The following PTPRD variants were observed in gnomAD, a reference collection of about 807,000 sequenced individuals.
PTPRD encodes the protein receptor-type tyrosine-protein phosphatase delta.
Under a neutral mutation model 214.5 loss-of-function variants are expected in PTPRD, and 34 were observed. The observed-to-expected ratio is 0.16, with a 90% confidence interval of 0.12 to 0.21. PTPRD has a LOEUF of 0.21. PTPRD is among the 10% of genes least tolerant of loss of function. The pLI is 1.00. For synonymous variants in PTPRD, 1,128 were observed against 845.7 expected (o/e 1.33, Z -5.79); for missense variants, 2,545 against 2,398.7 (o/e 1.06, Z -1.27).
At chr9:10,260,057 T>G (rs1437588178) in intron 3 of PTPRD, among the ~76,000 whole-genome samples, 1 of 152,210 alleles carries the variant, frequency 6.6e-6, no homozygotes, top group Non-Finnish European at 1.5e-5. Flanking sequence ...AGGCCTCATT[T>G]TGAAGCTCCC....
chr9:9,755,037 C>T (rs112773866), intron 6 of PTPRD, among the ~76,000 whole-genome samples: 2,360 of 152,004 alleles, frequency 0.016, 37 homozygotes, highest in African/African-American at 0.039. Flanking sequence ...TACTGCAGAG[C>T]CACAGACCCC....
chr9:8,633,673 C>T (rs2096330955), intron 13 of PTPRD, among the ~76,000 whole-genome samples: 1 of 152,042 alleles, frequency 6.6e-6, no homozygotes, highest in African/African-American at 2.4e-5. Flanking sequence ...ATATGCAAAA[C>T]ATGGAGATTT....
At chr9:10,443,345 T>C (rs1053950705) in intron 2 of PTPRD, among the ~76,000 whole-genome samples, 7 of 151,654 alleles carry the variant, frequency 4.6e-5, no homozygotes, top group African/African-American at 7.3e-5. Flanking sequence ...ATTCAATCTA[T>C]GGTAGTAAAT....
At chr9:8,359,974 A>C (rs1198622163) in intron 39 of PTPRD, among the ~76,000 whole-genome samples, 1 of 152,194 alleles carries the variant, frequency 6.6e-6, no homozygotes, top group African/African-American at 2.4e-5. Flanking sequence ...GCACTAGGTC[A>C]GCTCAATGTT....
chr9:9,749,522 G>C (rs374414164), intron 6 of PTPRD, among the ~76,000 whole-genome samples: 2 of 152,066 alleles, frequency 1.3e-5, no homozygotes, highest in African/African-American at 4.8e-5. Flanking sequence ...GACATTATCA[G>C]ATATTTATTA....
At chr9:8,721,557 C>G (rs2098498725) in intron 12 of PTPRD, among the ~76,000 whole-genome samples, 1 of 150,894 alleles carries the variant, frequency 6.6e-6, no homozygotes, top group African/African-American at 2.4e-5. Flanking sequence ...AAAATATTAA[C>G]AAAATTAATA....
intron 3 of PTPRD, among the ~76,000 whole-genome samples, chr9:10,282,089 A>C (rs548856728): frequency 5.9e-5 from 9 of 152,250 alleles, no homozygotes; most frequent in African/African-American, 2.2e-4. Flanking sequence ...ATGCTAGATG[A>C]AACAATGAAA....
chr9:8,588,553 G>C (rs896666638), intron 14 of PTPRD, among the ~76,000 whole-genome samples: 2 of 152,100 alleles, frequency 1.3e-5, no homozygotes, highest in Admixed American at 6.5e-5. Context: ...TGGTAAAAGT[G>C]TGCTTATAAA....
At chr9:8,783,415 T>A (rs1437151646) in intron 11 of PTPRD, among the ~76,000 whole-genome samples, 1 of 152,256 alleles carries the variant, frequency 6.6e-6, no homozygotes. Context: ...ACGGTTTATT[T>A]TGCTACATGA....
intron 11 of PTPRD, among the ~76,000 whole-genome samples, chr9:8,794,873 T>C (rs181836544): frequency 8.0e-4 from 122 of 151,816 alleles, no homozygotes; most frequent in Admixed American, 1.4e-3. Flanking sequence ...AAAAAAAACA[T>C]CAAACTGTCC....
intron 11 of PTPRD, among the ~76,000 whole-genome samples, chr9:8,921,988 G>C (rs1474072450): frequency 6.6e-6 from 1 of 151,896 alleles, no homozygotes; most frequent in Non-Finnish European, 1.5e-5. Flanking sequence ...AACAAAGACA[G>C]ATAGAATCCC....
Position 9,547,049 on chromosome 9 carries a change from C to G in PTPRD, c.-237+27683G>C, listed in dbSNP as rs1310633392. ...AGGGGAAGACTATGAAGAGAGGGTTCTCATGCTTGTATGCTTGGTAACAAC... is the reference window on the plus strand; with the variant it reads ...AGGGGAAGACTATGAAGAGAGGGTTGTCATGCTTGTATGCTTGGTAACAAC... On this transcript the variant is annotated intron_variant, in intron 8 of 45. Coordinates refer to ENST00000381196, the MANE Select transcript of PTPRD (RefSeq NM_002839.4). 2.6e-5 allele frequency among the ~76,000 whole-genome samples: 4 copies of G among 151,912 alleles called. No individual in the cohort carries two copies. In the South Asian group the frequency reaches 8.3e-4, roughly 31 times the overall value.
intron 3 of PTPRD, among the ~76,000 whole-genome samples, chr9:10,158,814 G>A (rs1044338722): frequency 6.6e-6 from 1 of 152,122 alleles, no homozygotes; most frequent in Non-Finnish European, 1.5e-5. Flanking sequence ...TCCACTGGCA[G>A]GATATTTGTA....
At chr9:10,112,526 T>C (rs986955325) in intron 3 of PTPRD, among the ~76,000 whole-genome samples, 2 of 152,058 alleles carry the variant, frequency 1.3e-5, no homozygotes, top group African/African-American at 4.8e-5. Context: ...AAATTTGTAA[T>C]GAAGGAGGTG....
At chr9:10,152,056 G>C (rs1234979041) in intron 3 of PTPRD, among the ~76,000 whole-genome samples, 1 of 152,168 alleles carries the variant, frequency 6.6e-6, no homozygotes, top group African/African-American at 2.4e-5. Context: ...TAAATACCTA[G>C]GGTTGGGATT....
In PTPRD at chr9:8,389,318, C is replaced by T. The variant is rs2088544230; in HGVS notation, c.4300G>A (p.Glu1434Lys). 1 of 1,612,730 alleles carries T rather than the reference C, an allele frequency of 6.2e-7. No individual in the cohort carries two copies. The highest frequency in any genetic ancestry group is 8.5e-7 in the Non-Finnish European group (1 of 1,179,198). ...ATTCTCCAAAAGTCCCCAAATGTTT[C>T]GGGGAGAGATCCCTGTGTTGCAATA... ...AYIATQGSLP[E>K]TFGDFWRMIW... The change falls in exon 37 of 46, where the codon GAA (glutamate) becomes AAA (lysine). Residue 1434 changes from glutamate (E) to lysine (K), a missense_variant. Physicochemically the swap from Glu to Lys is moderately conservative, Grantham distance 56. Coordinates refer to ENST00000381196, the MANE Select transcript of PTPRD (RefSeq NM_002839.4).
intron 12 of PTPRD, among the ~76,000 whole-genome samples, chr9:8,716,043 T>C (rs138641815): frequency 2.3e-3 from 346 of 152,322 alleles, no homozygotes; most frequent in African/African-American, 7.7e-3. Flanking sequence ...TGGCTTCACA[T>C]TGGGTAGCCA....
At chr9:9,852,495 A>G (rs1168435895) in intron 5 of PTPRD, among the ~76,000 whole-genome samples, 1 of 152,114 alleles carries the variant, frequency 6.6e-6, no homozygotes, top group African/African-American at 2.4e-5. Context: ...ATTTAATGAA[A>G]ATAATTAAAA....
At chr9:10,050,264 A>T (rs752571122) in intron 3 of PTPRD, among the ~76,000 whole-genome samples, 8 of 151,814 alleles carry the variant, frequency 5.3e-5, no homozygotes, top group Admixed American at 1.3e-4. Flanking sequence ...AATGACCTTA[A>T]AGAAATTATG....
Sources: gnomAD v4.1 joint callset for allele counts (sites outside exome capture counted in the v4.1 genomes callset) on GRCh38, gnomAD v4.1.1 for gene constraint, MANE v1.5 for transcripts, NCBI Gene and HGNC (gene_info 2026-07-23, HGNC 2026-07-21) for gene names.